The following CRYBG3 variants were observed in gnomAD, a reference collection of about 807,000 sequenced individuals.
CRYBG3 encodes crystallin beta-gamma domain containing 3, also known as very large A-kinase anchor protein.
CRYBG3 carries 127 observed loss-of-function variants against 244.2 expected under a neutral mutation model. The ratio of observed to expected loss-of-function variants is 0.52; its 90% CI spans 0.45 to 0.60. The LOEUF is 0.60. Among genes scored for constraint, CRYBG3 ranks in the 20% least tolerant of loss-of-function variants. CRYBG3 has a pLI of 0.00. For synonymous variants in CRYBG3, 1,132 were observed against 1,195.8 expected, an observed-to-expected ratio of 0.95 and a Z score of 1.10; for missense variants, 3,325 against 3,442.5, an observed-to-expected ratio of 0.97 and a Z score of 0.85.
chr3:97,875,523 T>C lies in CRYBG3; in HGVS notation c.4329T>C (p.His1443=). ...GGTTAGATGATAGGGTAAAAACACA[T>C]TTATTTCGCAGTGAGGACTGTAATG... ...HKRLDDRVKT[H]LFRSEDCNET... is the part of the protein sequence containing the mutation. The change falls in exon 4 of 22, where the codon CAT becomes CAC. Residue 1443 remains histidine (H), a synonymous_variant. Transcript: ENST00000389622. The C allele has an allele frequency of 2.4e-6, 3 of 1,266,478 alleles. No homozygotes were observed. Among genetic ancestry groups the C allele is most frequent in the Non-Finnish European group, 3.0e-6 (3 of 1,010,314 alleles). The allele number at this position is 1,266,478 out of a possible 1,614,324, so 78.5% of individuals were successfully genotyped here.
chr3:97,886,483 T>G (rs1195594229), intron 7 of CRYBG3, 148 bp from the exon 8 acceptor site: 4 of 536,052 alleles, frequency 7.5e-6, no homozygotes, highest in South Asian at 7.0e-5. Context: ...AAAAAAAGGG[T>G]GAGGAGAAAC....
In CRYBG3 at chr3:97,877,169, A is replaced by G; in HGVS notation, c.5975A>G (p.Asp1992Gly). 1.9e-6 allele frequency: 3 copies of G among 1,614,012 alleles called. No individual in the cohort carries two copies. Among genetic ancestry groups the G allele is most frequent in the Non-Finnish European group, 2.5e-6 (3 of 1,179,932 alleles). ...KGYNLAFVSQ[D>G]EQENSSFTIL... ...TATAATTTAGCTTTTGTTTCTCAAG[A>G]TGAACAAGAAAATTCTTCCTTTACT... is the stretch of plus-strand genomic sequence containing the variant. The change falls in exon 4 of 22, where the codon GAT (aspartate) becomes GGT (glycine). Residue 1992 changes from aspartate to glycine, a missense_variant. Around this residue, in one of 4 missense-constraint regions of CRYBG3, gnomAD observed 450 missense variants for 424.1 expected, o/e 1.06. Transcript: ENST00000389622.
intron 15 of CRYBG3, among the ~76,000 whole-genome samples, chr3:97,903,345 A>G (rs886269419): frequency 5.3e-5 from 8 of 152,180 alleles, no homozygotes; most frequent in African/African-American, 1.9e-4. Flanking sequence ...GATCATTTTT[A>G]TAGGAGCCAA....
chr3:97,877,098 T>C lies in CRYBG3; in HGVS notation c.5904T>C (p.Thr1968=). 2 of 1,612,872 alleles carry C rather than the reference T, an allele frequency of 1.2e-6. No homozygotes were observed. The change falls in exon 4 of 22, where the codon ACT becomes ACC. Residue 1968 remains threonine (T), a synonymous_variant. Coordinates refer to ENST00000389622, the MANE Select transcript of CRYBG3 (RefSeq NM_153605.4). ...TVRLDKRMSL[T]AIYDKRRETD... is the part of the protein sequence containing the mutation. ...GACTAGACAAAAGAATGTCTCTTAC[T>C]GCAATATATGACAAGAGGAGAGAGA...
chr3:97,898,873 C>G lies in CRYBG3; in HGVS notation c.7702-10C>G, dbSNP rs1174584222. 16 of 1,570,538 alleles carry G rather than the reference C, an allele frequency of 1.0e-5. No individual in the cohort carries two copies. Among genetic ancestry groups the G allele is most frequent in the Non-Finnish European group, 1.3e-5 (15 of 1,157,094 alleles). ...TATGTTTTCCTAAACTTTCCTCTTTCTCCTTTTAGAATTTTATAGAATCTT... is the reference window on the plus strand; with the variant it reads ...TATGTTTTCCTAAACTTTCCTCTTTGTCCTTTTAGAATTTTATAGAATCTT... On this transcript the variant is annotated splice_polypyrimidine_tract_variant and intron_variant, in intron 12 of 21. Coordinates refer to ENST00000389622, the MANE Select transcript of CRYBG3 (RefSeq NM_153605.4).
intron 16 of CRYBG3, among the ~76,000 whole-genome samples, chr3:97,914,206 A>G (rs1426173086): frequency 1.3e-5 from 2 of 152,156 alleles, no homozygotes; most frequent in Non-Finnish European, 2.9e-5. Flanking sequence ...GTTTTACATT[A>G]AAACACATAA....
intron 2 of CRYBG3, among the ~76,000 whole-genome samples, chr3:97,850,196 G>A (rs1322244738): frequency 1.3e-5 from 2 of 151,990 alleles, no homozygotes; most frequent in African/African-American, 2.4e-5. Flanking sequence ...CCTTCCCATT[G>A]AACTAAGGCC....
rs13065340 is a variant in CRYBG3, at chr3:97,888,446, G to T, written c.7395G>T (p.Pro2465=). 6.3e-7 allele frequency: 1 copy of T among 1,590,380 alleles called. No individual in the cohort carries two copies. Among genetic ancestry groups the T allele is most frequent in the Non-Finnish European group, 8.6e-7 (1 of 1,159,042 alleles). The change falls in exon 9 of 22, where the codon CCG becomes CCT. Residue 2465 remains proline, a synonymous_variant. Coordinates refer to ENST00000389622, the MANE Select transcript of CRYBG3 (RefSeq NM_153605.4). Reference sequence around the variant, plus strand: ...CAGCAGAAATGAAATCATTACATCCGCTTCAAATGGTAAGCAAATTTAAAA... The same window carrying T: ...CAGCAGAAATGAAATCATTACATCCTCTTCAAATGGTAAGCAAATTTAAAA... ...ISTAEMKSLH[P]LQMGGLKVEM...
intron 2 of CRYBG3, among the ~76,000 whole-genome samples, chr3:97,859,373 C>T (rs976529995): frequency 1.4e-4 from 22 of 152,220 alleles, no homozygotes; most frequent in African/African-American, 5.1e-4. Context: ...GTTTACTATA[C>T]CAGGTGCCAC....
chr3:97,837,869 A>G (rs554417572), intron 1 of CRYBG3, among the ~76,000 whole-genome samples: 1 of 152,252 alleles, frequency 6.6e-6, no homozygotes, highest in South Asian at 2.1e-4. Flanking sequence ...TACCATTTCC[A>G]GATTTCCCTG....
chr3:97,881,261 T>C, intron 7 of CRYBG3, 42 bp downstream of exon 7: 1 of 1,397,132 alleles, frequency 7.2e-7, no homozygotes, highest in Non-Finnish European at 9.8e-7. Context: ...TGATTTTATT[T>C]ATCATATAGT....
intron 2 of CRYBG3, among the ~76,000 whole-genome samples, chr3:97,857,455 T>TG (rs2039083141): frequency 6.6e-6 from 1 of 151,746 alleles, no homozygotes; most frequent in Non-Finnish European, 1.5e-5. Context: ...TGTCCAAAGT[T>TG]GAGAGTGGGA....
At chr3:97,843,394 C>G in intron 2 of CRYBG3, 133 bp downstream of exon 2, 1 of 606,000 alleles carries the variant, frequency 1.7e-6, no homozygotes, top group Admixed American at 3.0e-5. Context: ...AAATCCAGCC[C>G]AACTTTGTCA....
chr3:97,840,009 A>T (rs2038789921), intron 1 of CRYBG3, among the ~76,000 whole-genome samples: 1 of 152,114 alleles, frequency 6.6e-6, no homozygotes, highest in African/African-American at 2.4e-5. Context: ...GGAAGATGAA[A>T]AACTAGCTGT....
intron 17 of CRYBG3, among the ~76,000 whole-genome samples, chr3:97,917,265 T>C (rs1281380363): frequency 1.3e-5 from 2 of 152,106 alleles, no homozygotes; most frequent in African/African-American, 4.8e-5. Context: ...TTCATGTAAG[T>C]TGTCATGTGG....
Position 97,873,597 on chromosome 3 carries a change from T to C in CRYBG3, c.2403T>C (p.Asp801=), listed in dbSNP as rs1191582028. The C allele has an allele frequency of 1.3e-6, 2 of 1,534,606 alleles. No individual in the cohort carries two copies. Among genetic ancestry groups the C allele is most frequent in the Non-Finnish European group, 1.7e-6 (2 of 1,146,342 alleles). Residue 801 remains aspartate, a synonymous_variant, in exon 4 of 22, where the codon GAT becomes GAC. Coordinates refer to ENST00000389622, the MANE Select transcript of CRYBG3 (RefSeq NM_153605.4). ...ATATGAGCATAATAGAGAAGTCTGA[T>C]TCTCTTTCCTTGGAAGCCAAAACTG... ...KANMSIIEKS[D]SLSLEAKTAN...
chr3:97,913,844 C>T (rs1005223791), intron 16 of CRYBG3, among the ~76,000 whole-genome samples: 11 of 152,280 alleles, frequency 7.2e-5, no homozygotes, highest in Non-Finnish European at 1.3e-4. Flanking sequence ...GAAGATTTTA[C>T]GACTTGGAGA....
Position 97,886,627 on chromosome 3 carries a change from TC to T in CRYBG3, c.7153-3del. 1 of 1,590,868 alleles carries T rather than the reference TC, an allele frequency of 6.3e-7. No individual in the cohort carries two copies. Among genetic ancestry groups the T allele is most frequent in the Non-Finnish European group, 8.5e-7 (1 of 1,173,160 alleles). On this transcript the variant is annotated splice_polypyrimidine_tract_variant and splice_region_variant and intron_variant, in intron 7 of 21. Coordinates refer to ENST00000389622, the MANE Select transcript of CRYBG3 (RefSeq NM_153605.4). ...TTCAAAGCCAAATTATTTTTTTTTTTCAGGACTGCAGCATTCCAGAAATAGA... is the reference window on the plus strand; with the variant it reads ...TTCAAAGCCAAATTATTTTTTTTTTTAGGACTGCAGCATTCCAGAAATAGA...
In CRYBG3 at chr3:97,881,150, C is replaced by A; in HGVS notation, c.7083C>A (p.Asp2361Glu). 2 of 1,612,234 alleles carry A rather than the reference C, an allele frequency of 1.2e-6. No homozygotes were observed. Among genetic ancestry groups the A allele is most frequent in the Non-Finnish European group, 1.7e-6 (2 of 1,178,858 alleles). Residue 2361 changes from aspartate to glutamate, a missense_variant, in exon 7 of 22, where the codon GAC becomes GAA. Physicochemically the swap from Asp to Glu is conservative, Grantham distance 45 (BLOSUM62 2). Around this residue, in one of 4 missense-constraint regions of CRYBG3, gnomAD observed 714 missense variants for 803.6 expected, o/e 0.89. Coordinates refer to ENST00000389622, the MANE Select transcript of CRYBG3 (RefSeq NM_153605.4). ...AAGGGGAAAAGGTGTTAAATCGTGA[C>A]TGGATTCTTCAGAACAGAAGGCATC... is the stretch of plus-strand genomic sequence containing the variant. ...LEEGEKVLNR[D>E]WILQNRRHPQ...
Sources: allele counts gnomAD v4.1 joint callset (sites outside exome capture counted in the v4.1 genomes callset), GRCh38; gene constraint gnomAD v4.1.1; regional missense constraint gnomAD v4.1.1; transcripts MANE v1.5; gene names NCBI Gene and HGNC (gene_info 2026-07-23, HGNC 2026-07-21).